Variants in RANBP2 observed in about 807,000 individuals in gnomAD.
RANBP2 encodes E3 SUMO-protein ligase RanBP2.
In RANBP2, 57 loss-of-function variants were observed where a neutral mutation model predicts 303.6. The ratio of observed to expected loss-of-function variants is 0.19; its 90% confidence interval spans 0.15 to 0.23. The LOEUF is 0.23. Among genes scored for constraint, RANBP2 ranks in the 10% least tolerant of loss-of-function variants. The pLI is 1.00. For missense variants in RANBP2, 3,138 were observed against 3,780.8 expected, an observed-to-expected ratio of 0.83 and a Z score of 4.46; for synonymous variants, 1,167 against 1,301.5, an observed-to-expected ratio of 0.90 and a Z score of 2.23.
chr2:109,601,119 T>C, the RANBP2 span, among the ~76,000 whole-genome samples: 1 of 152,198 alleles, frequency 6.6e-6, no homozygotes, highest in African/African-American at 2.4e-5. Flanking sequence ...GCATGGTTGA[T>C]TAACCACTGG....
chr2:108,729,608 T>C (rs987724404), intron 2 of RANBP2, among the ~76,000 whole-genome samples: 2 of 152,160 alleles, frequency 1.3e-5, no homozygotes, highest in African/African-American at 2.4e-5. Flanking sequence ...AGATGTTTAA[T>C]TGACACAATA....
chr2:109,449,180 T>C, the RANBP2 span: 1 of 1,613,564 alleles, frequency 6.2e-7, no homozygotes, highest in Non-Finnish European at 8.5e-7. Flanking sequence ...CTGCCCACTC[T>C]GCAGCCCAGG....
chr2:108,872,350 C>A, the RANBP2 span, among the ~76,000 whole-genome samples: 1 of 152,166 alleles, frequency 6.6e-6, no homozygotes, highest in Admixed American at 6.5e-5. Context: ...CCACCACATA[C>A]ACATACCTCG....
the RANBP2 span, among the ~76,000 whole-genome samples, chr2:108,857,502 A>G: frequency 6.6e-6 from 1 of 152,196 alleles, no homozygotes; most frequent in Non-Finnish European, 1.5e-5. Context: ...TTAAAGCCAC[A>G]TCTCTGACTC....
chr2:109,614,883 C>A, the RANBP2 span: 1 of 1,426,782 alleles, frequency 7.0e-7, no homozygotes, highest in Non-Finnish European at 9.1e-7. Context: ...TGGACAGGGC[C>A]GCGAGCTGGG....
At chr2:109,678,386 AGCT>A in the RANBP2 span, among the ~76,000 whole-genome samples, 23 of 152,308 alleles carry the variant, frequency 1.5e-4, no homozygotes, top group Middle Eastern at 3.4e-3. Flanking sequence ...CCCTTCGCTT[AGCT>A]GTAGCTGGCT....
chr2:109,638,987 T>C, the RANBP2 span, among the ~76,000 whole-genome samples: 1 of 152,222 alleles, frequency 6.6e-6, no homozygotes, highest in African/African-American at 2.4e-5. Context: ...CAGCAGATGT[T>C]GCTGCTAAGA....
At chr2:109,101,642 T>C in the RANBP2 span, among the ~76,000 whole-genome samples, 3 of 152,060 alleles carry the variant, frequency 2.0e-5, no homozygotes, top group Non-Finnish European at 4.4e-5. Context: ...GTTACAAAGA[T>C]AAAGATCCAG....
the RANBP2 span, among the ~76,000 whole-genome samples, chr2:109,183,478 G>T: frequency 6.6e-6 from 1 of 152,176 alleles, no homozygotes; most frequent in Non-Finnish European, 1.5e-5. Context: ...GGAAATTGAA[G>T]CCTGGAGAGG....
chr2:109,574,881 C>G, the RANBP2 span: 1 of 592,190 alleles, frequency 1.7e-6, no homozygotes, highest in Non-Finnish European at 2.6e-6. Flanking sequence ...CAGTTAATAT[C>G]TATGCTGAAC....
chr2:109,097,408 C>T, the RANBP2 span, among the ~76,000 whole-genome samples: 1 of 151,970 alleles, frequency 6.6e-6, no homozygotes, highest in African/African-American at 2.4e-5. Flanking sequence ...AATAATAAAA[C>T]TCCAGTGTCC....
the RANBP2 span, among the ~76,000 whole-genome samples, chr2:109,256,042 C>G: frequency 6.6e-6 from 1 of 152,128 alleles, no homozygotes; most frequent in Non-Finnish European, 1.5e-5. Context: ...TCCTCTTTTT[C>G]CTCCTCACAA....
At chr2:108,793,013 G>A in the RANBP2 span, among the ~76,000 whole-genome samples, 1 of 151,032 alleles carries the variant, frequency 6.6e-6, no homozygotes, top group African/African-American at 2.5e-5. Flanking sequence ...GCAGTGAGCT[G>A]AGACTGTGCC....
the RANBP2 span, among the ~76,000 whole-genome samples, chr2:109,370,275 T>C: frequency 6.6e-6 from 1 of 151,634 alleles, no homozygotes; most frequent in Admixed American, 6.6e-5. Context: ...AGTCTCACTC[T>C]GTCACCCTGG....
At chr2:109,379,949 T>C in the RANBP2 span, among the ~76,000 whole-genome samples, 1 of 152,318 alleles carries the variant, frequency 6.6e-6, no homozygotes, top group East Asian at 1.9e-4. Flanking sequence ...GAATAAGCAG[T>C]GGTCTTGCCT....
chr2:109,369,928 G>GA, the RANBP2 span, among the ~76,000 whole-genome samples: 5 of 152,212 alleles, frequency 3.3e-5, no homozygotes, highest in Non-Finnish European at 7.3e-5. Flanking sequence ...AGGCTCCTTG[G>GA]AAAGGCGGGT....
chr2:109,054,626 G>A, the RANBP2 span, among the ~76,000 whole-genome samples: 1 of 151,936 alleles, frequency 6.6e-6, no homozygotes, highest in African/African-American at 2.4e-5. Flanking sequence ...CTTGAACTAG[G>A]GAGGTGGAGG....
chr2:109,692,034 G>A, the RANBP2 span, among the ~76,000 whole-genome samples: 246 of 152,070 alleles, frequency 1.6e-3, no homozygotes, highest in African/African-American at 5.3e-3. Flanking sequence ...CACCCGCCTC[G>A]GCCTCCTAAA....
chr2:109,254,045 C>T, the RANBP2 span, among the ~76,000 whole-genome samples: 2 of 151,948 alleles, frequency 1.3e-5, no homozygotes, highest in African/African-American at 4.8e-5. Flanking sequence ...CACATTTATC[C>T]TAGATTTGTC....
Sources: gnomAD v4.1 joint callset for allele counts (sites outside exome capture counted in the v4.1 genomes callset) on GRCh38, gnomAD v4.1.1 for gene constraint, MANE v1.5 for transcripts, NCBI Gene and HGNC (gene_info 2026-07-23, HGNC 2026-07-21) for gene names.